Variants in PALMD observed in about 807,000 individuals in gnomAD.
PALMD encodes the protein paralemmin-like protein.
A neutral mutation model predicts 56.2 loss-of-function variants in PALMD; 42 were observed. The observed-to-expected ratio is 0.75, with a 90% confidence interval of 0.58 to 0.97. The LOEUF is 0.97. Ranked by LOEUF, PALMD falls within the 50% of genes least tolerant of loss-of-function variation. The pLI, the probability that PALMD is intolerant of heterozygous loss-of-function variation, is 0.00. For missense variants in PALMD, 660 were observed against 643.8 expected, an observed-to-expected ratio of 1.03 and a Z score of -0.27; for synonymous variants, 242 against 222.9, an observed-to-expected ratio of 1.09 and a Z score of -0.76.
chr1:99,668,658 C>G lies in PALMD; in HGVS notation c.251+892C>G, dbSNP rs371718406. The G allele has an allele frequency of 2.2e-4, 34 of 152,338 alleles. 1 individual carries two copies. The highest frequency in any genetic ancestry group is 7.5e-4 in the African/African-American group (31 of 41,584). 9.4% of individuals were successfully genotyped at this position (152,338 alleles called of 1,614,324 possible). A position where few individuals can be genotyped will look rare whatever the true frequency, so the allele number is the denominator to read the frequency against. ...TTCTAGTTCTTTGATGATTTGGTCA[C>G]AGGCGTTCACTTCATTTCTCAACAT... On this transcript the variant is annotated intron_variant, in intron 3 of 7. Coordinates refer to ENST00000263174, the MANE Select transcript of PALMD (RefSeq NM_017734.5).
At position 99,689,862 on chromosome 1, in the gene PALMD, A is replaced by G. The variant is rs758455551; in HGVS notation, c.1602A>G (p.Pro534=). 6.2e-7 allele frequency: 1 copy of G among 1,600,026 alleles called. No homozygotes were observed. Among genetic ancestry groups the G allele is most frequent in the South Asian group, 1.1e-5 (1 of 89,124 alleles). The change falls in exon 7 of 8, where the codon CCA becomes CCG. Residue 534 remains proline, a synonymous_variant. Coordinates refer to ENST00000263174, the MANE Select transcript of PALMD (RefSeq NM_017734.5). ...CAACTGGAGATGGGACTGAGGATCC[A>G]TCCTTAACAGGTAATAAAAATGACA... ...AQTTGDGTED[P]SLTALRMRMA... is the part of the protein sequence containing the mutation.
chr1:99,686,597 T>TAC, intron 3 of PALMD, 79 bp from the exon 4 acceptor site: 1 of 690,564 alleles, frequency 1.4e-6, no homozygotes, highest in Non-Finnish European at 2.5e-6. Context: ...AAGGAAACTT[T>TAC]ATATATGGGG....
chr1:99,685,803 T>A (rs1469567274), intron 3 of PALMD: 1 of 152,156 alleles, frequency 6.6e-6, no homozygotes, highest in Non-Finnish European at 1.5e-5. Flanking sequence ...TGAGAAACCA[T>A]GTGTGTTACG....
chr1:99,682,778 A>C (rs920998651), intron 3 of PALMD, among the ~76,000 whole-genome samples: 4 of 151,718 alleles, frequency 2.6e-5, no homozygotes, highest in African/African-American at 9.7e-5. Context: ...GGCCGAGGCA[A>C]GCAGATCACT....
chr1:99,682,083 C>T (rs542374423), intron 3 of PALMD, among the ~76,000 whole-genome samples: 9 of 152,270 alleles, frequency 5.9e-5, no homozygotes, highest in African/African-American at 2.2e-4. Context: ...CTTTCTAAGT[C>T]TCTCATCATT....
chr1:99,651,358 A>C, intron 1 of PALMD, among the ~76,000 whole-genome samples: 1 of 152,234 alleles, frequency 6.6e-6, no homozygotes, highest in East Asian at 1.9e-4. Flanking sequence ...ACTGTGCAAC[A>C]AAATGATAAT....
At chr1:99,688,688 C>T in intron 6 of PALMD, 87 bp from the exon 7 acceptor site, 1 of 848,884 alleles carries the variant, frequency 1.2e-6, no homozygotes, top group Non-Finnish European at 1.9e-6. Flanking sequence ...GAAGGGTCTA[C>T]TTAATATAAA....
At chr1:99,653,418 A>G (rs181056079) in intron 1 of PALMD, among the ~76,000 whole-genome samples, 1 of 152,172 alleles carries the variant, frequency 6.6e-6, no homozygotes, top group Non-Finnish European at 1.5e-5. Flanking sequence ...AAGGAAAAAA[A>G]GAGTAAAACA....
intron 1 of PALMD, among the ~76,000 whole-genome samples, chr1:99,652,089 T>C (rs188921771): frequency 1.1e-4 from 17 of 152,346 alleles, no homozygotes; most frequent in African/African-American, 3.8e-4. Flanking sequence ...AACTTTCACA[T>C]CCATTTTATC....
At chr1:99,670,747 A>G (rs1653066274) in intron 3 of PALMD, among the ~76,000 whole-genome samples, 1 of 152,210 alleles carries the variant, frequency 6.6e-6, no homozygotes, top group Non-Finnish European at 1.5e-5. Flanking sequence ...AATGTTCCAA[A>G]GCAACACACA....
intron 1 of PALMD, among the ~76,000 whole-genome samples, chr1:99,649,470 G>A (rs1233519969): frequency 6.6e-6 from 1 of 152,064 alleles, no homozygotes; most frequent in Non-Finnish European, 1.5e-5. Flanking sequence ...CAGCATTCTC[G>A]AGAAGAGTGA....
At chr1:99,672,350 T>A (rs1021731853) in intron 3 of PALMD, among the ~76,000 whole-genome samples, 1 of 151,858 alleles carries the variant, frequency 6.6e-6, no homozygotes, top group Admixed American at 6.6e-5. Flanking sequence ...TTAAATAGAG[T>A]TTCAATTTGC....
At chr1:99,663,550 T>C (rs918690605) in intron 2 of PALMD, among the ~76,000 whole-genome samples, 1 of 151,594 alleles carries the variant, frequency 6.6e-6, no homozygotes, top group Non-Finnish European at 1.5e-5. Flanking sequence ...TTTGCTCTCC[T>C]TTCCTCTCTC....
At position 99,686,911 on chromosome 1, in the gene PALMD, G is replaced by A. The variant is rs774560117; in HGVS notation, c.367-19G>A. 2.0e-6 allele frequency: 3 copies of A among 1,535,990 alleles called. No individual in the cohort carries two copies. Among genetic ancestry groups the A allele is most frequent in the South Asian group, 2.3e-5 (2 of 85,942 alleles). On this transcript the variant is annotated intron_variant, in intron 4 of 7. Coordinates refer to ENST00000263174, the MANE Select transcript of PALMD (RefSeq NM_017734.5). The stretch of plus-strand genomic sequence containing the variant: ...TTTTTTAAACTGTATTAATCATGGA[G>A]AATTCTTTTTTCTTACAGTCTGTGA...
intron 3 of PALMD, among the ~76,000 whole-genome samples, chr1:99,677,722 T>C (rs1653245955): frequency 6.6e-6 from 1 of 152,134 alleles, no homozygotes; most frequent in South Asian, 2.1e-4. Context: ...CATAGCAAGG[T>C]AGCCAGGAAG....
chr1:99,684,697 G>T (rs1445833497), intron 3 of PALMD: 1 of 151,974 alleles, frequency 6.6e-6, no homozygotes, highest in African/African-American at 2.4e-5. Flanking sequence ...TTTAATATTT[G>T]TAGAGACTGA....
chr1:99,660,316 C>T (rs1322921142), intron 1 of PALMD, among the ~76,000 whole-genome samples: 2 of 152,152 alleles, frequency 1.3e-5, no homozygotes, highest in African/African-American at 4.8e-5. Context: ...CTTCAGACTG[C>T]CTGGGTTCAA....
chr1:99,693,108 A>G (rs1653698310), intron 7 of PALMD, among the ~76,000 whole-genome samples: 1 of 152,246 alleles, frequency 6.6e-6, no homozygotes, highest in Non-Finnish European at 1.5e-5. Context: ...GTCAAAAGGT[A>G]ACCAATATAT....
chr1:99,686,430 C>T (rs936836533), intron 3 of PALMD: 1 of 266,672 alleles, frequency 3.7e-6, no homozygotes, highest in African/African-American at 2.2e-5. Flanking sequence ...AGGTCAAATG[C>T]TTTACCTAAT....
Sources: gnomAD v4.1 joint callset for allele counts (sites outside exome capture counted in the v4.1 genomes callset) on GRCh38, gnomAD v4.1.1 for gene constraint, MANE v1.5 for transcripts, NCBI Gene and HGNC (gene_info 2026-07-23, HGNC 2026-07-21) for gene names.